FAM200C: variants seen among roughly 807,000 people sequenced by gnomAD.
At chr5:160,398,313 G>A in the FAM200C span, among the ~76,000 whole-genome samples, 1 of 152,162 alleles carries the variant, frequency 6.6e-6, no homozygotes, top group Non-Finnish European at 1.5e-5. Context: ...ACTTTGGGAG[G>A]CCGAGGAAGG....
chr5:160,394,572 T>C, the FAM200C span: 1 of 1,614,196 alleles, frequency 6.2e-7, no homozygotes, highest in Non-Finnish European at 8.5e-7. Flanking sequence ...AGGCGATGAT[T>C]TGGAGCTCTC....
At chr5:160,395,343 G>A in the FAM200C span, 1 of 1,614,128 alleles carries the variant, frequency 6.2e-7, no homozygotes, top group Non-Finnish European at 8.5e-7. Context: ...CTGTTAAAAT[G>A]GTCTGACAGT....
the FAM200C span, chr5:160,394,622 G>C: frequency 6.2e-7 from 1 of 1,614,128 alleles, no homozygotes; most frequent in Non-Finnish European, 8.5e-7. Flanking sequence ...AGTAAACAGA[G>C]CATCCCTCAG....
chr5:160,393,858 C>T, the FAM200C span: 2 of 1,613,974 alleles, frequency 1.2e-6, no homozygotes, highest in Non-Finnish European at 8.5e-7. Flanking sequence ...AATCCCAACT[C>T]ACAAAGGTAT....
chr5:160,395,158 T>A, the FAM200C span: 5 of 1,613,954 alleles, frequency 3.1e-6, no homozygotes, highest in Non-Finnish European at 4.2e-6. Context: ...ACTTTTCAGC[T>A]ACTGTATGAG....
chr5:160,396,997 T>C, the FAM200C span, among the ~76,000 whole-genome samples: 1 of 152,240 alleles, frequency 6.6e-6, no homozygotes, highest in African/African-American at 2.4e-5. Context: ...AGAATCTGTA[T>C]TGTAAGTATT....
the FAM200C span, among the ~76,000 whole-genome samples, chr5:160,396,438 G>C: frequency 6.6e-6 from 1 of 152,072 alleles, no homozygotes; most frequent in Admixed American, 6.6e-5. Flanking sequence ...ATCAGTCCAT[G>C]ATTCATAGTG....
chr5:160,394,941 C>A, the FAM200C span: 1 of 1,613,382 alleles, frequency 6.2e-7, no homozygotes, highest in South Asian at 1.1e-5. Flanking sequence ...TGACTGCAGT[C>A]ATCCATGTCA....
the FAM200C span, chr5:160,400,015 C>G: frequency 1.3e-5 from 2 of 152,416 alleles, no homozygotes; most frequent in East Asian, 3.9e-4. Flanking sequence ...TCCGCAACAA[C>G]CTCCGCCTCA....
At chr5:160,393,528 T>G in the FAM200C span, 4 of 607,294 alleles carry the variant, frequency 6.6e-6, no homozygotes, top group Admixed American at 9.4e-5. Flanking sequence ...TAGTACTTAA[T>G]CTTTTCTGCT....
At chr5:160,393,776 A>C in the FAM200C span, 1 of 1,569,206 alleles carries the variant, frequency 6.4e-7, no homozygotes, top group Non-Finnish European at 8.7e-7. Flanking sequence ...TTTTTTTGAA[A>C]TAGCCACACG....
chr5:160,394,448 T>C, the FAM200C span: 1 of 1,613,858 alleles, frequency 6.2e-7, no homozygotes, highest in Non-Finnish European at 8.5e-7. Flanking sequence ...ATTTATTTCT[T>C]CATACATTTC....
chr5:160,397,250 T>G, the FAM200C span, among the ~76,000 whole-genome samples: 1 of 152,210 alleles, frequency 6.6e-6, no homozygotes, highest in Admixed American at 6.5e-5. Flanking sequence ...AAACCAATCC[T>G]TAGCTAACAA....
At chr5:160,396,059 T>C in the FAM200C span, among the ~76,000 whole-genome samples, 1 of 152,194 alleles carries the variant, frequency 6.6e-6, no homozygotes, top group Admixed American at 6.5e-5. Context: ...ATAGACCACA[T>C]AGTGGCAAAG....
chr5:160,393,811 G>T, the FAM200C span: 1 of 1,605,674 alleles, frequency 6.2e-7, no homozygotes, highest in Admixed American at 1.7e-5. Context: ...GATTAAAGCA[G>T]CTTCTGGACT....
the FAM200C span, among the ~76,000 whole-genome samples, chr5:160,396,503 C>A: frequency 6.6e-6 from 1 of 152,132 alleles, no homozygotes; most frequent in East Asian, 1.9e-4. Flanking sequence ...GTAATCCCAG[C>A]ACTTTAGGAG....
the FAM200C span, among the ~76,000 whole-genome samples, chr5:160,399,306 CACAAA>C: frequency 1.3e-5 from 2 of 152,114 alleles, no homozygotes; most frequent in African/African-American, 2.4e-5. Flanking sequence ...AGTGAACACT[CACAAA>C]ACAAATATTT....
At chr5:160,395,291 T>C in the FAM200C span, 6,489 of 1,614,192 alleles carry the variant, frequency 4.0e-3, 14 homozygotes, top group Non-Finnish European at 5.1e-3. Context: ...TGGCATATGC[T>C]TCAGGCTATT....
the FAM200C span, among the ~76,000 whole-genome samples, chr5:160,399,082 C>T: frequency 3.0e-4 from 46 of 152,266 alleles, no homozygotes; most frequent in African/African-American, 9.4e-4. Context: ...TACATCATTA[C>T]ACCGTTCTAT....
Sources: gnomAD v4.1 joint callset for allele counts (sites outside exome capture counted in the v4.1 genomes callset) on GRCh38, gnomAD v4.1.1 for gene constraint, MANE v1.5 for transcripts.